Variants in LOXL2 observed in about 807,000 individuals in gnomAD.
The protein encoded by LOXL2 is lysyl oxidase like 2, also known as lysyl oxidase homolog 2.
LOXL2 carries 70 observed loss-of-function variants against 93.0 expected under a neutral mutation model. The ratio of observed to expected loss-of-function variants is 0.75; its 90% CI spans 0.62 to 0.92. The LOEUF is 0.92. LOXL2 is among the 40% of genes least tolerant of loss of function. The pLI is 0.00. For missense variants in LOXL2, 973 were observed against 1,054.9 expected, an observed-to-expected ratio of 0.92 and a Z score of 1.08; for synonymous variants, 438 against 413.2, an observed-to-expected ratio of 1.06 and a Z score of -0.73.
chr8:23,396,235 T>C (rs553509228), intron 1 of LOXL2, among the ~76,000 whole-genome samples: 1 of 152,116 alleles, frequency 6.6e-6, no homozygotes, highest in East Asian at 2.0e-4. Context: ...AGAGAATCGC[T>C]TGAACCCAGG....
intron 13 of LOXL2, 61 bp downstream of exon 13, chr8:23,298,775 G>T: frequency 9.8e-7 from 1 of 1,023,692 alleles, no homozygotes. Flanking sequence ...CTGCCTCTGG[G>T]TCCTTGAGAA....
In LOXL2 at chr8:23,346,156, TAA is replaced by T. The variant is rs373499170; in HGVS notation, c.532-4955_532-4954del. ...ATAAAATAAAATAAATAAAATAAAA[TAA>T]AAAATAAAATAAAATAAATAAAATA... On this transcript the variant is annotated intron_variant, in intron 3 of 13. Transcript: ENST00000389131. Among the ~76,000 whole-genome samples, 13 of 50,286 alleles carry T rather than the reference TAA, an allele frequency of 2.6e-4. No homozygotes were observed. In the East Asian group the frequency reaches 2.6e-3, roughly 10 times the overall value. 33.0% of individuals were successfully genotyped at this position (50,286 alleles called of 152,430 possible).
At chr8:23,341,261 AC>A in intron 3 of LOXL2, 58 bp from the exon 4 acceptor site, 1 of 1,328,728 alleles carries the variant, frequency 7.5e-7, no homozygotes, top group Non-Finnish European at 1.1e-6. Context: ...CTGCAGAGAC[AC>A]CAGGCAACCA....
intron 5 of LOXL2, 39 bp from the exon 6 acceptor site, chr8:23,328,604 T>C (rs756696914): frequency 3.8e-6 from 6 of 1,591,902 alleles, no homozygotes; most frequent in Non-Finnish European, 5.2e-6. Flanking sequence ...CAGACGCTGA[T>C]GCACGTTCAG....
intron 9 of LOXL2, among the ~76,000 whole-genome samples, chr8:23,315,725 C>A (rs1803383986): frequency 6.6e-6 from 1 of 152,132 alleles, no homozygotes; most frequent in Non-Finnish European, 1.5e-5. Context: ...TGCATAGAAC[C>A]CCCTAGTACA....
At chr8:23,371,785 A>G (rs898014022) in intron 1 of LOXL2, among the ~76,000 whole-genome samples, 31 of 124,016 alleles carry the variant, frequency 2.5e-4, no homozygotes, top group African/African-American at 9.3e-4. Context: ...AAAAAAAAAA[A>G]TGCATGGCAA....
At chr8:23,325,012 G>C (rs567014955) in intron 6 of LOXL2, among the ~76,000 whole-genome samples, 1 of 152,314 alleles carries the variant, frequency 6.6e-6, no homozygotes, top group East Asian at 1.9e-4. Flanking sequence ...GGAGCCACCA[G>C]CTGCATGTGG....
At chr8:23,317,847 C>T (rs7829335) in intron 8 of LOXL2, among the ~76,000 whole-genome samples, 84,321 of 151,802 alleles carry the variant, frequency 0.56, 25,774 homozygotes, top group Non-Finnish European at 0.69. Context: ...AACACAGGTG[C>T]TGTGTTCCTC....
chr8:23,302,883 T>G (rs1003949678), intron 11 of LOXL2, among the ~76,000 whole-genome samples: 1 of 152,084 alleles, frequency 6.6e-6, no homozygotes, highest in Non-Finnish European at 1.5e-5. Context: ...ATTTGAGATA[T>G]AATTGAAGGG....
chr8:23,400,017 G>GT (rs1563212763), intron 1 of LOXL2, among the ~76,000 whole-genome samples: 2 of 152,238 alleles, frequency 1.3e-5, no homozygotes, highest in South Asian at 2.1e-4. Flanking sequence ...AGCAACAAGC[G>GT]TAACAGCAGA....
In LOXL2 at chr8:23,317,116, T is replaced by G; in HGVS notation, c.1471-2A>C. 6.2e-7 allele frequency: 1 copy of G among 1,613,962 alleles called. No individual in the cohort carries two copies. Among genetic ancestry groups the G allele is most frequent in the Middle Eastern group, 1.7e-4 (1 of 6,060 alleles). On this transcript the variant is annotated splice_acceptor_variant, in intron 8 of 13. Transcript: ENST00000389131. LOFTEE classifies it high-confidence loss of function. Reference sequence around the variant, plus strand: ...ATCTCCGTGCCAATACCAGGTCTCCTGGAAGAACCAACAAAACAAATGGTG... The same window carrying G: ...ATCTCCGTGCCAATACCAGGTCTCCGGGAAGAACCAACAAAACAAATGGTG...
At chr8:23,346,951 C>T (rs896224482) in intron 3 of LOXL2, among the ~76,000 whole-genome samples, 2 of 152,198 alleles carry the variant, frequency 1.3e-5, no homozygotes, top group East Asian at 3.9e-4. Context: ...ACCTCGCATG[C>T]AGCCTCCCAC....
intron 3 of LOXL2, among the ~76,000 whole-genome samples, chr8:23,359,362 T>C (rs1352582765): frequency 6.6e-6 from 1 of 152,178 alleles, no homozygotes; most frequent in Non-Finnish European, 1.5e-5. Context: ...ATGACTTCCA[T>C]CCTGTGTTCT....
intron 1 of LOXL2, among the ~76,000 whole-genome samples, chr8:23,391,015 A>C (rs1482165221): frequency 1.3e-5 from 2 of 152,146 alleles, no homozygotes; most frequent in African/African-American, 2.4e-5. Context: ...AGCCAAGCGA[A>C]AGGGGTCTCT....
At chr8:23,323,275 T>A (rs1803526047) in intron 6 of LOXL2, among the ~76,000 whole-genome samples, 1 of 152,156 alleles carries the variant, frequency 6.6e-6, no homozygotes, top group Admixed American at 6.5e-5. Flanking sequence ...GGCCCACAGC[T>A]CATGGGCACA....
intron 1 of LOXL2, among the ~76,000 whole-genome samples, chr8:23,384,807 G>A (rs1482449135): frequency 6.6e-6 from 1 of 152,084 alleles, no homozygotes; most frequent in East Asian, 1.9e-4. Context: ...CCAGCTACTT[G>A]GGAGGCTGAG....
At chr8:23,304,648 G>C (rs55919405) in intron 10 of LOXL2, among the ~76,000 whole-genome samples, 5,735 of 152,248 alleles carry the variant, frequency 0.038, 213 homozygotes, top group African/African-American at 0.09. Flanking sequence ...AAGATGAACG[G>C]CGTCAAATAA....
intron 2 of LOXL2, 45 bp from the exon 3 acceptor site, chr8:23,360,310 AG>A: frequency 3.4e-6 from 5 of 1,475,980 alleles, no homozygotes; most frequent in Non-Finnish European, 4.6e-6. Flanking sequence ...GCGTCAATGC[AG>A]GTCTGAGTCT....
At position 23,309,925 on chromosome 8, in the gene LOXL2, C is replaced by T; in HGVS notation, c.1637-14G>A. On this transcript the variant is annotated splice_polypyrimidine_tract_variant and intron_variant, in intron 9 of 13. Transcript: ENST00000389131. Reference sequence around the variant, plus strand: ...GGTCAGGGGCGGCTGCGGAGGATGGCATGCTGGTCAACAAGGCAAGAGACC... The same window carrying T: ...GGTCAGGGGCGGCTGCGGAGGATGGTATGCTGGTCAACAAGGCAAGAGACC... 6.9e-7 allele frequency: 1 copy of T among 1,453,782 alleles called. No homozygotes were observed. The highest frequency in any genetic ancestry group is 1.5e-5 in the South Asian group (1 of 67,898). The allele number at this position is 1,453,782 out of a possible 1,614,324, so 90.1% of individuals were successfully genotyped here.
Sources: allele counts gnomAD v4.1 joint callset (sites outside exome capture counted in the v4.1 genomes callset), GRCh38; gene constraint gnomAD v4.1.1; transcripts MANE v1.5; gene names NCBI Gene and HGNC (gene_info 2026-07-23, HGNC 2026-07-21).